The following ARHGAP20 variants were observed in gnomAD, a reference collection of about 807,000 sequenced individuals.
ARHGAP20 encodes Rho GTPase activating protein 20, also known as rho GTPase-activating protein 20.
In ARHGAP20, 34 loss-of-function variants were observed where a neutral mutation model predicts 73.7. The observed-to-expected ratio is 0.46, with a 90% CI of 0.35 to 0.61. The LOEUF (loss-of-function observed/expected upper bound fraction) is 0.61, where lower values mean the gene tolerates loss of function less well. Among genes scored for constraint, ARHGAP20 ranks in the 20% least tolerant of loss-of-function variants. ARHGAP20 has a pLI of 0.00. For missense variants in ARHGAP20, 1,314 were observed against 1,420.9 expected, an observed-to-expected ratio of 0.92 and a Z score of 1.21; for synonymous variants, 523 against 518.2, an observed-to-expected ratio of 1.01 and a Z score of -0.13.
chr11:110,705,133 T>G (rs1285936653), intron 1 of ARHGAP20, among the ~76,000 whole-genome samples: 1 of 152,190 alleles, frequency 6.6e-6, no homozygotes, highest in African/African-American at 2.4e-5. Context: ...TTAAGTTGTA[T>G]GTAGTCCCAT....
chr11:110,653,927 G>C (rs779623408), intron 2 of ARHGAP20, among the ~76,000 whole-genome samples: 1 of 151,964 alleles, frequency 6.6e-6, no homozygotes, highest in African/African-American at 2.4e-5. Flanking sequence ...GACATGGATG[G>C]AGCTGGGTGC....
chr11:110,591,836 A>T, intron 10 of ARHGAP20, 141 bp downstream of exon 10: 1 of 866,392 alleles, frequency 1.2e-6, no homozygotes, highest in Non-Finnish European at 1.7e-6. Flanking sequence ...AGATTTTGTT[A>T]TTTGGAGGAA....
At chr11:110,633,436 C>G (rs975852192) in intron 2 of ARHGAP20, among the ~76,000 whole-genome samples, 2 of 152,136 alleles carry the variant, frequency 1.3e-5, no homozygotes, top group Non-Finnish European at 1.5e-5. Flanking sequence ...TATAGTAAAT[C>G]ATAAAGTTAC....
At chr11:110,711,730 G>A (rs750434618) in intron 1 of ARHGAP20, 10 of 1,396,846 alleles carry the variant, frequency 7.2e-6, no homozygotes, top group Non-Finnish European at 7.4e-6. Flanking sequence ...CCGCCAAAGG[G>A]CAGTCAGTGC....
chr11:110,676,061 A>G (rs1389611743), intron 2 of ARHGAP20, among the ~76,000 whole-genome samples: 1 of 152,210 alleles, frequency 6.6e-6, no homozygotes, highest in African/African-American at 2.4e-5. Context: ...AATATATGGT[A>G]TTACAACTCC....
At chr11:110,655,362 A>T (rs987067543) in intron 2 of ARHGAP20, among the ~76,000 whole-genome samples, 2 of 152,194 alleles carry the variant, frequency 1.3e-5, no homozygotes, top group African/African-American at 4.8e-5. Flanking sequence ...ATTTAAATCT[A>T]CCTTATCAAT....
intron 12 of ARHGAP20, 75 bp from the exon 13 acceptor site, chr11:110,583,812 G>T: frequency 8.2e-7 from 1 of 1,217,236 alleles, no homozygotes; most frequent in Non-Finnish European, 1.1e-6. Context: ...CTCTCACTTT[G>T]AATGGGGAAG....
intron 12 of ARHGAP20, 151 bp from the exon 13 acceptor site, chr11:110,583,888 G>T: frequency 1.8e-6 from 1 of 556,900 alleles, no homozygotes. Context: ...TACAAAGTGA[G>T]GACTGCCTGT....
intron 1 of ARHGAP20, among the ~76,000 whole-genome samples, chr11:110,705,079 C>T (rs1401294428): frequency 4.6e-5 from 7 of 152,074 alleles, no homozygotes; most frequent in South Asian, 2.1e-4. Context: ...TTTTCAGCTA[C>T]AGACACCTTC....
intron 2 of ARHGAP20, among the ~76,000 whole-genome samples, chr11:110,688,669 TCTC>T (rs1950182909): frequency 6.6e-6 from 1 of 152,168 alleles, no homozygotes; most frequent in Non-Finnish European, 1.5e-5. Flanking sequence ...ATACAACCAT[TCTC>T]TTTTATTCAC....
In ARHGAP20 at chr11:110,608,970, T is replaced by G. The variant is rs757134550; in HGVS notation, c.775+14A>C. On this transcript the variant is annotated intron_variant, in intron 8 of 14. Coordinates refer to ENST00000683387, the MANE Select transcript of ARHGAP20 (RefSeq NM_001384657.1). ...ACACAATCAATGCTATCTTAGACTT[T>G]TGCAAAAACTTACCAATGAGTGGGT... The G allele has an allele frequency of 1.2e-5, 20 of 1,609,842 alleles. No individual in the cohort carries two copies. The South Asian group carries it at 1.9e-4, about 15-fold the overall frequency.
intron 2 of ARHGAP20, among the ~76,000 whole-genome samples, chr11:110,683,380 T>C (rs1169815382): frequency 6.6e-6 from 1 of 152,136 alleles, no homozygotes; most frequent in African/African-American, 2.4e-5. Context: ...CTATCAAGAC[T>C]TTCACAAATG....
intron 2 of ARHGAP20, among the ~76,000 whole-genome samples, chr11:110,639,911 T>G (rs2134981468): frequency 6.6e-6 from 1 of 152,164 alleles, no homozygotes; most frequent in Non-Finnish European, 1.5e-5. Flanking sequence ...ATACTGTTTT[T>G]GAATATCTGT....
In ARHGAP20 at chr11:110,580,667, C is replaced by G; in HGVS notation, c.2279G>C (p.Ser760Thr). 6.2e-7 allele frequency: 1 copy of G among 1,614,122 alleles called. No homozygotes were observed. The highest frequency in any genetic ancestry group is 8.5e-7 in the Non-Finnish European group (1 of 1,179,992). Residue 760 changes from serine (S) to threonine (T), a missense_variant, in exon 15 of 15, where the codon AGT (serine) becomes ACT (threonine). By Grantham distance (58) the Ser-to-Thr change is moderately conservative. Around this residue, in one of 3 missense-constraint regions of ARHGAP20, gnomAD observed 641 missense variants for 636.9 expected, o/e 1.01. Transcript: ENST00000683387. ...GCTGACATCAGTGCCTGTGACTAAA[C>G]TCTGTTTAAAACATGTCTTTCCTTC... ...QEEGKTCFKQ[S>T]LVTGTDVSKK...
intron 9 of ARHGAP20, among the ~76,000 whole-genome samples, chr11:110,594,865 C>T (rs549731532): frequency 1.3e-5 from 2 of 152,118 alleles, no homozygotes; most frequent in South Asian, 4.1e-4. Context: ...GACCAACATC[C>T]TTGATAAACA....
intron 10 of ARHGAP20, 123 bp downstream of exon 10, chr11:110,591,854 G>A: frequency 9.9e-7 from 1 of 1,014,226 alleles, no homozygotes; most frequent in Middle Eastern, 3.4e-4. Context: ...GAATAATAGT[G>A]AAGATTCTTA....
chr11:110,601,913 C>A (rs1948119917), intron 9 of ARHGAP20, among the ~76,000 whole-genome samples: 1 of 151,560 alleles, frequency 6.6e-6, no homozygotes, highest in Non-Finnish European at 1.5e-5. Context: ...TCGCTTGAAC[C>A]TGGGTTGCAG....
chr11:110,626,684 G>A (rs905803004), intron 3 of ARHGAP20, among the ~76,000 whole-genome samples: 11 of 151,792 alleles, frequency 7.2e-5, no homozygotes, highest in African/African-American at 2.7e-4. Flanking sequence ...CCTGAAACCC[G>A]GGTGAAGTTA....
chr11:110,696,991 G>T (rs1355218807), intron 1 of ARHGAP20, among the ~76,000 whole-genome samples: 1 of 151,652 alleles, frequency 6.6e-6, no homozygotes, highest in East Asian at 1.9e-4. Context: ...CACTTGGATT[G>T]GCTCCATGAC....
Sources: gnomAD v4.1 joint callset for allele counts (sites outside exome capture counted in the v4.1 genomes callset) on GRCh38, gnomAD v4.1.1 for gene constraint, gnomAD v4.1.1 regional missense constraint, MANE v1.5 for transcripts, NCBI Gene and HGNC (gene_info 2026-07-23, HGNC 2026-07-21) for gene names.